CNTLN: variants seen among roughly 807,000 people sequenced by gnomAD.
The protein encoded by CNTLN is centlein, also known as centlein, centrosomal protein.
In CNTLN, 212 loss-of-function variants were observed where a neutral mutation model predicts 180.0. The observed-to-expected ratio is 1.18, with a 90% CI of 1.05 to 1.32. The LOEUF is 1.32. CNTLN is among the 40% of genes most tolerant of loss of function. The probability of loss-of-function intolerance (pLI) is 0.00; values close to 1 mark genes in which losing one functional copy is unlikely to be tolerated. For synonymous variants in CNTLN, 722 were observed against 563.1 expected, an observed-to-expected ratio of 1.28 and a Z score of -3.99; for missense variants, 2,095 against 1,610.9, an observed-to-expected ratio of 1.30 and a Z score of -5.14.
chr9:17,291,041 C>G (rs779425388), intron 6 of CNTLN, among the ~76,000 whole-genome samples: 6 of 152,170 alleles, frequency 3.9e-5, no homozygotes, highest in East Asian at 1.9e-4. Flanking sequence ...CCCCTGATTT[C>G]TGCCTTAATT....
chr9:17,335,350 C>G (rs576894522), intron 10 of CNTLN, among the ~76,000 whole-genome samples: 66 of 152,186 alleles, frequency 4.3e-4, no homozygotes, highest in African/African-American at 1.4e-3. Context: ...AACCCTGTCT[C>G]TACTAAAAAT....
chr9:17,276,096 G>A (rs747708835), intron 6 of CNTLN, among the ~76,000 whole-genome samples: 17 of 152,012 alleles, frequency 1.1e-4, no homozygotes, highest in Admixed American at 2.6e-4. Flanking sequence ...ATATAGCCAG[G>A]TAATAGTACT....
intron 2 of CNTLN, among the ~76,000 whole-genome samples, chr9:17,204,839 G>C (rs956164663): frequency 6.6e-6 from 1 of 152,190 alleles, no homozygotes; most frequent in African/African-American, 2.4e-5. Flanking sequence ...AGTTTTATCT[G>C]TAATCCCTAG....
intron 7 of CNTLN, among the ~76,000 whole-genome samples, chr9:17,306,425 G>A (rs10963020): frequency 0.013 from 1,936 of 152,220 alleles, 34 homozygotes; most frequent in East Asian, 0.053. Flanking sequence ...CTGGGATTAC[G>A]GATGTGAGCC....
At chr9:17,293,102 C>A (rs1462511400) in intron 6 of CNTLN, among the ~76,000 whole-genome samples, 1 of 152,214 alleles carries the variant, frequency 6.6e-6, no homozygotes, top group Non-Finnish European at 1.5e-5. Flanking sequence ...CAGGTATCAA[C>A]AGTGGAAGAT....
intron 6 of CNTLN, among the ~76,000 whole-genome samples, chr9:17,289,112 T>G (rs943884369): frequency 8.1e-6 from 1 of 123,088 alleles, no homozygotes; most frequent in Non-Finnish European, 1.6e-5. Context: ...CTCCATGGTC[T>G]TTACATTTTG....
chr9:17,486,974 A>ATTTTTTTTT lies in CNTLN; in HGVS notation c.4042-7_4042-6insTTTTTTTTT, dbSNP rs757096311. The ATTTTTTTTT allele has an allele frequency of 6.7e-7, 1 of 1,489,574 alleles. No homozygotes were observed. Among genetic ancestry groups the ATTTTTTTTT allele is most frequent in the Non-Finnish European group, 9.2e-7 (1 of 1,089,496 alleles). The allele number at this position is 1,489,574 out of a possible 1,614,324, so 92.3% of individuals were successfully genotyped here. A position where few individuals can be genotyped will look rare whatever the true frequency, so the allele number is the denominator to read the frequency against. On this transcript the variant is annotated splice_polypyrimidine_tract_variant and intron_variant, in intron 24 of 25. Transcript: ENST00000380647. ...AAATTTCGTTAACACCAGTGTTTTT[A>ATTTTTTTTT]TTTTTTTTCTTCAGGAAATTGAAAA...
rs142969133 is a variant in CNTLN at position 17,193,661 on chromosome 9, G to A, written c.450-32542G>A. Among the ~76,000 whole-genome samples the A allele has an allele frequency of 5.3e-3, 800 of 152,208 alleles. 5 individuals are homozygous for A. Among genetic ancestry groups the A allele is most frequent in the African/African-American group, 0.019 (770 of 41,516 alleles). On this transcript the variant is annotated intron_variant, in intron 2 of 25. Transcript: ENST00000380647. ...TCACGGGCTGGCATCGAGTGTCAGC[G>A]GCTTTTCCAGGCAAATGGTGCAAGC...
chr9:17,231,976 TTA>T (rs763127274), intron 3 of CNTLN, among the ~76,000 whole-genome samples: 2 of 152,234 alleles, frequency 1.3e-5, no homozygotes, highest in Non-Finnish European at 2.9e-5. Flanking sequence ...CCTTATTGCT[TTA>T]TGGTTCCTCT....
At chr9:17,395,112 C>A in intron 15 of CNTLN, 43 bp downstream of exon 15, 1 of 1,534,684 alleles carries the variant, frequency 6.5e-7, no homozygotes, top group South Asian at 1.3e-5. Flanking sequence ...GGACACTGCG[C>A]ATATGTAAAG....
Position 17,330,849 on chromosome 9 carries a change from G to C in CNTLN, c.1518+41G>C, listed in dbSNP as rs376731270. Reference sequence around the variant, plus strand: ...CATTTTGTGAATTTGCCAGGATGAGGCTGGAAAGACAAGAGATGAAGTTAA... The same window carrying C: ...CATTTTGTGAATTTGCCAGGATGAGCCTGGAAAGACAAGAGATGAAGTTAA... On this transcript the variant is annotated intron_variant, in intron 9 of 25. Coordinates refer to ENST00000380647, the MANE Select transcript of CNTLN (RefSeq NM_017738.4). The C allele has an allele frequency of 1.7e-5, 26 of 1,543,736 alleles. 1 individual carries two copies. In the East Asian group the frequency reaches 4.2e-4, roughly 25 times the overall value.
intron 12 of CNTLN, among the ~76,000 whole-genome samples, chr9:17,362,306 A>T (rs1022494391): frequency 3.3e-5 from 5 of 152,132 alleles, no homozygotes; most frequent in Admixed American, 1.3e-4. Flanking sequence ...TAAACAAATC[A>T]GGAACCTAAT....
intron 7 of CNTLN, chr9:17,298,759 A>T: frequency 1.0e-6 from 1 of 988,614 alleles, no homozygotes. Context: ...ATCTTCACAA[A>T]TACAAAGGGG....
At chr9:17,246,013 G>T (rs1464947853) in intron 5 of CNTLN, among the ~76,000 whole-genome samples, 1 of 152,010 alleles carries the variant, frequency 6.6e-6, no homozygotes, top group Non-Finnish European at 1.5e-5. Context: ...TCACATATCT[G>T]TGTCTCTCCA....
intron 10 of CNTLN, among the ~76,000 whole-genome samples, chr9:17,340,143 T>A (rs1821361601): frequency 1.3e-5 from 2 of 152,050 alleles, no homozygotes; most frequent in South Asian, 4.2e-4. Flanking sequence ...AAGCCCTGTT[T>A]CCAGAAAAAT....
chr9:17,301,727 T>A (rs979712597), intron 7 of CNTLN: 146 of 947,134 alleles, frequency 1.5e-4, no homozygotes, highest in Non-Finnish European at 1.8e-4. Context: ...TTATTTATTC[T>A]TTATAAATTT....
intron 1 of CNTLN, 98 bp downstream of exon 1, chr9:17,135,523 C>T (rs528056609): frequency 1.4e-6 from 2 of 1,400,262 alleles, no homozygotes; most frequent in East Asian, 2.6e-5. Context: ...ACCTACCCCG[C>T]CCAGCGACGC....
intron 9 of CNTLN, among the ~76,000 whole-genome samples, chr9:17,331,313 TAA>T (rs1820629009): frequency 6.6e-6 from 1 of 151,428 alleles, no homozygotes; most frequent in Non-Finnish European, 1.5e-5. Flanking sequence ...GGGATAGCAT[TAA>T]GAGAAAAATA....
chr9:17,432,474 G>T (rs1012139645), intron 18 of CNTLN, among the ~76,000 whole-genome samples: 3 of 152,070 alleles, frequency 2.0e-5, no homozygotes, highest in African/African-American at 7.2e-5. Flanking sequence ...TCAGAAAATG[G>T]CATAGAGACA....
Sources: allele counts gnomAD v4.1 joint callset (sites outside exome capture counted in the v4.1 genomes callset), GRCh38; gene constraint gnomAD v4.1.1; transcripts MANE v1.5; gene names NCBI Gene and HGNC (gene_info 2026-07-23, HGNC 2026-07-21).